ZNF624: variants seen among roughly 807,000 people sequenced by gnomAD.
ZNF624 encodes the protein zinc finger protein 624.
ZNF624 carries 43 observed loss-of-function variants against 74.7 expected under a neutral mutation model. The observed-to-expected ratio is 0.58, with a 90% CI of 0.45 to 0.74. The LOEUF (loss-of-function observed/expected upper bound fraction) is 0.74. ZNF624 is among the 30% of genes least tolerant of loss of function. ZNF624 has a pLI of 0.00. For missense variants in ZNF624, 820 were observed against 1,030.0 expected (o/e 0.80, Z 2.79); for synonymous variants, 331 against 341.3 (o/e 0.97, Z 0.33).
intron 1 of ZNF624, among the ~76,000 whole-genome samples, chr17:16,650,290 G>GAACA (rs1232657136): frequency 4.6e-5 from 7 of 152,010 alleles, no homozygotes; most frequent in African/African-American, 1.7e-4. Flanking sequence ...CATGTAAAGA[G>GAACA]AACACTACGA....
At chr17:16,624,676 GT>G in intron 5 of ZNF624, 167 bp from the exon 6 acceptor site, 3 of 620,532 alleles carry the variant, frequency 4.8e-6, no homozygotes, top group Non-Finnish European at 7.6e-6. Flanking sequence ...AGGGAGGCTG[GT>G]TTAGCAAAAA....
At position 16,622,339 on chromosome 17, in the gene ZNF624, C is replaced by T. The variant is rs775030999; in HGVS notation, c.2547G>A (p.Ser849=). The T allele has an allele frequency of 3.7e-6, 6 of 1,609,176 alleles. No individual in the cohort carries two copies. Among genetic ancestry groups the T allele is most frequent in the East Asian group, 2.2e-5 (1 of 44,880 alleles). Residue 849 remains serine (S), a synonymous_variant, in exon 6 of 6, where the codon TCG becomes TCA. Coordinates refer to ENST00000311331, the MANE Select transcript of ZNF624 (RefSeq NM_020787.4). ...GTATTCTTTGATGTACAGTAAGGCT[C>T]GAACTACTCCTGAAGGCTTTTCCAC... ...NECGKAFRSS[S]SLTVHQRIHQ... is the part of the protein sequence containing the mutation.
intron 3 of ZNF624, among the ~76,000 whole-genome samples, chr17:16,638,846 T>TA (rs1447584959): frequency 1.2e-4 from 19 of 152,170 alleles, no homozygotes; most frequent in African/African-American, 3.9e-4. Context: ...CCCTAAAACT[T>TA]AAAGTATAAC....
chr17:16,640,459 AAAAG>A (rs2142629514), intron 3 of ZNF624, among the ~76,000 whole-genome samples: 2 of 152,242 alleles, frequency 1.3e-5, no homozygotes, highest in Admixed American at 1.3e-4. Flanking sequence ...GAGGAAATAA[AAAAG>A]GGCAAAAATT....
chr17:16,623,183 G>T lies in ZNF624; in HGVS notation c.1703C>A (p.Ser568Tyr). ...CTECGKAFMR[S>Y]SSLIIHQRIH... The stretch of plus-strand genomic sequence containing the variant: ...ACGCTGATGTATAATTAGAGAAGAA[G>T]AACGCATGAAGGCCTTTCCACATTC... Residue 568 changes from serine to tyrosine, a missense_variant, in exon 6 of 6, where the codon TCT (serine) becomes TAT (tyrosine). Physicochemically the swap from Ser to Tyr is moderately radical, Grantham distance 144 (BLOSUM62 -2). Coordinates refer to ENST00000311331, the MANE Select transcript of ZNF624 (RefSeq NM_020787.4). The surrounding 1 kb of genome is among the most constrained non-coding windows in gnomAD (Gnocchi z 5.3). 6.2e-7 allele frequency: 1 copy of T among 1,613,644 alleles called. No individual in the cohort carries two copies. The highest frequency in any genetic ancestry group is 1.1e-5 in the South Asian group (1 of 91,030).
Position 16,622,336 on chromosome 17 carries a change from G to C in ZNF624, c.2550C>G (p.Ser850Arg), listed in dbSNP as rs775995745. 1 of 1,608,934 alleles carries C rather than the reference G, an allele frequency of 6.2e-7. No individual in the cohort carries two copies. The highest frequency in any genetic ancestry group is 8.5e-7 in the Non-Finnish European group (1 of 1,177,976). The change falls in exon 6 of 6, where the codon AGC becomes AGG. Residue 850 changes from serine (S) to arginine (R), a missense_variant. Physicochemically the swap from Ser to Arg is moderately radical, Grantham distance 110. Coordinates refer to ENST00000311331, the MANE Select transcript of ZNF624 (RefSeq NM_020787.4). The part of the protein sequence containing the change: ...ECGKAFRSSS[S>R]LTVHQRIHQR... The stretch of plus-strand genomic sequence containing the variant: ...GATGTATTCTTTGATGTACAGTAAG[G>C]CTCGAACTACTCCTGAAGGCTTTTC...
In ZNF624 at chr17:16,624,022, T is replaced by C; in HGVS notation, c.864A>G (p.Arg288=). Residue 288 remains arginine, a synonymous_variant, in exon 6 of 6, where the codon AGA becomes AGG. Transcript: ENST00000311331. The part of the protein sequence containing the change: ...CSTCEKAFHY[R]SLLIQHQRTH... The stretch of plus-strand genomic sequence containing the variant: ...TTCTTTGATGTTGAATGAGCAATGA[T>C]CTATAATGAAAGGCCTTTTCGCATG... The C allele has an allele frequency of 6.2e-7, 1 of 1,613,662 alleles. No individual in the cohort carries two copies. The highest frequency in any genetic ancestry group is 1.3e-5 in the African/African-American group (1 of 74,970).
intron 3 of ZNF624, among the ~76,000 whole-genome samples, chr17:16,636,629 G>T (rs565584762): frequency 6.6e-6 from 1 of 152,164 alleles, no homozygotes; most frequent in African/African-American, 2.4e-5. Context: ...GAGGTCAGGA[G>T]ATCGAGACCA....
chr17:16,643,413 A>C (rs1460691766), intron 3 of ZNF624, among the ~76,000 whole-genome samples: 1 of 152,226 alleles, frequency 6.6e-6, no homozygotes, highest in Non-Finnish European at 1.5e-5. Flanking sequence ...TGCTAAAATG[A>C]AAGCAGTCAC....
At chr17:16,653,314 C>T (rs1210579477) in intron 1 of ZNF624, among the ~76,000 whole-genome samples, 1 of 130,892 alleles carries the variant, frequency 7.6e-6, no homozygotes, top group African/African-American at 2.5e-5. Context: ...GAAGCCAGAG[C>T]GGATATGCTC....
At position 16,621,988 on chromosome 17, in the gene ZNF624, G is replaced by C. The variant is rs1216923673; in HGVS notation, c.*300C>G. ...ACCTCCAGGTTTATAAGAAAAGACA[G>C]ATAAATGAATAGAAAAATAGGCAAA... is the stretch of plus-strand genomic sequence containing the variant. On this transcript the variant is annotated 3_prime_UTR_variant, in exon 6 of 6. Transcript: ENST00000311331. 4 of 189,366 alleles carry C rather than the reference G, an allele frequency of 2.1e-5. No individual in the cohort carries two copies. Among genetic ancestry groups the C allele is most frequent in the African/African-American group, 9.3e-5 (4 of 42,878 alleles). 11.7% of individuals were successfully genotyped at this position (189,366 alleles called of 1,614,324 possible). A position where few individuals can be genotyped will look rare whatever the true frequency, so the allele number is the denominator to read the frequency against.
At chr17:16,633,787 A>C in intron 5 of ZNF624, 75 bp downstream of exon 5, 2 of 1,150,404 alleles carry the variant, frequency 1.7e-6, no homozygotes, top group Non-Finnish European at 2.6e-6. Context: ...AAATTATTTC[A>C]GATGTTCTGG....
intron 2 of ZNF624, 91 bp downstream of exon 2, chr17:16,649,567 C>T (rs781664677): frequency 2.3e-5 from 26 of 1,151,218 alleles, no homozygotes; most frequent in South Asian, 1.0e-4. Flanking sequence ...GAAGGGGTGT[C>T]GGGGGAAGTA....
chr17:16,641,060 T>C (rs4448989), intron 3 of ZNF624, among the ~76,000 whole-genome samples: 4,318 of 152,194 alleles, frequency 0.028, 192 homozygotes, highest in African/African-American at 0.098. Context: ...AATCAATCAA[T>C]AGAACAAAGA....
At chr17:16,647,517 T>C (rs781155591) in intron 2 of ZNF624, 123 bp from the exon 3 acceptor site, 7 of 725,968 alleles carry the variant, frequency 9.6e-6, no homozygotes, top group East Asian at 2.5e-5. Context: ...CCTACTGTTT[T>C]ACTTAGGGCT....
At chr17:16,653,163 T>C (rs1909768172) in intron 1 of ZNF624, among the ~76,000 whole-genome samples, 1 of 152,218 alleles carries the variant, frequency 6.6e-6, no homozygotes, top group Non-Finnish European at 1.5e-5. Context: ...AATGCAATAA[T>C]ACCATTGTCA....
chr17:16,615,299 G>A, the ZNF624 span, among the ~76,000 whole-genome samples: 2 of 152,014 alleles, frequency 1.3e-5, no homozygotes, highest in African/African-American at 4.8e-5. Context: ...GGGTTTCACC[G>A]TGTTAGCCAG....
chr17:16,617,156 A>G, downstream of ZNF624: 1 of 1,612,848 alleles, frequency 6.2e-7, no homozygotes, highest in Non-Finnish European at 8.5e-7. Flanking sequence ...TTTGATCTAG[A>G]TTTCCTGCCT....
At chr17:16,625,863 T>C (rs1909058984) in intron 5 of ZNF624, among the ~76,000 whole-genome samples, 1 of 152,208 alleles carries the variant, frequency 6.6e-6, no homozygotes, top group Non-Finnish European at 1.5e-5. Flanking sequence ...TTAAAACTTG[T>C]AATTCATTTT....
Sources: allele counts gnomAD v4.1 joint callset (sites outside exome capture counted in the v4.1 genomes callset), GRCh38; gene constraint gnomAD v4.1.1; non-coding constraint Gnocchi (gnomAD v3.1); transcripts MANE v1.5; gene names NCBI Gene and HGNC (gene_info 2026-07-23, HGNC 2026-07-21).